ELP4: variants seen among roughly 807,000 people sequenced by gnomAD.
The protein encoded by ELP4 is elongator acetyltransferase complex subunit 4, also known as elongator complex protein 4.
ELP4 carries 51 observed loss-of-function variants against 48.9 expected under a neutral mutation model. The observed-to-expected ratio is 1.04, with a 90% CI of 0.83 to 1.32. The LOEUF is 1.32. Among genes scored for constraint, ELP4 ranks in the 40% most tolerant of loss-of-function variants. ELP4 has a pLI of 0.00. For missense variants in ELP4, 519 were observed against 514.6 expected (o/e 1.01, Z -0.08); for synonymous variants, 210 against 189.2 (o/e 1.11, Z -0.90).
chr11:31,693,112 C>G (rs1946316378), intron 9 of ELP4, among the ~76,000 whole-genome samples: 1 of 151,970 alleles, frequency 6.6e-6, no homozygotes, highest in Admixed American at 6.6e-5. Flanking sequence ...CACTGCCCAC[C>G]CAAAGGAGTA....
At chr11:31,640,814 C>T (rs942805415) in intron 7 of ELP4, among the ~76,000 whole-genome samples, 6 of 151,928 alleles carry the variant, frequency 3.9e-5, no homozygotes, top group Non-Finnish European at 7.4e-5. Flanking sequence ...GAAGCAAGTG[C>T]CAGTTCAGCA....
Position 31,647,857 on chromosome 11 carries a change from C to G in ELP4, c.1036+8C>G. 3.3e-6 allele frequency: 5 copies of G among 1,505,910 alleles called. No individual in the cohort carries two copies. The highest frequency in any genetic ancestry group is 4.6e-6 in the Non-Finnish European group (5 of 1,082,798). 93.3% of individuals were successfully genotyped at this position (1,505,910 alleles called of 1,614,324 possible). A position where few individuals can be genotyped will look rare whatever the true frequency, so the allele number is the denominator to read the frequency against. On this transcript the variant is annotated splice_region_variant and intron_variant, in intron 8 of 9. Coordinates refer to ENST00000640961, the MANE Select transcript of ELP4 (RefSeq NM_019040.5). ...TGTATAAGGATTATCATGGTAAGTA[C>G]AACCTTCATAATGAGAAGAGCAGGA...
chr11:31,570,434 T>G (rs1957175297), intron 3 of ELP4, among the ~76,000 whole-genome samples: 1 of 151,728 alleles, frequency 6.6e-6, no homozygotes, highest in Non-Finnish European at 1.5e-5. Context: ...CAGTTTCAAT[T>G]GTACTTCAGA....
chr11:31,565,490 G>T (rs7113412), intron 3 of ELP4, among the ~76,000 whole-genome samples: 8 of 143,222 alleles, frequency 5.6e-5, no homozygotes, highest in Non-Finnish European at 1.2e-4. Context: ...TTTCTTCTAG[G>T]GTTTTTATGG....
rs192145208 is a variant in ELP4 at position 31,719,372 on chromosome 11, G to A, written c.1144-64021G>A. 2.4e-4 allele frequency: 94 copies of A among 395,194 alleles called. 1 individual carries two copies. In the East Asian group the frequency reaches 3.1e-3, roughly 13 times the overall value. The allele number at this position is 395,194 out of a possible 1,614,324, so 24.5% of individuals were successfully genotyped here. ...ACAGTGGCAGAGTTTTTGTGGAATG[G>A]TTATAGATGAAACATCATTTGTCTT... On this transcript the variant is annotated intron_variant, in intron 9 of 9. Coordinates refer to ENST00000640961, the MANE Select transcript of ELP4 (RefSeq NM_019040.5).
At chr11:31,537,170 G>A (rs780129273) in intron 2 of ELP4, among the ~76,000 whole-genome samples, 1 of 152,086 alleles carries the variant, frequency 6.6e-6, no homozygotes, top group Non-Finnish European at 1.5e-5. Flanking sequence ...GTAAGATGGA[G>A]GTTTTTGCTG....
chr11:31,781,546 T>C (rs1948378080), intron 9 of ELP4, among the ~76,000 whole-genome samples: 1 of 121,856 alleles, frequency 8.2e-6, no homozygotes, highest in South Asian at 3.1e-4. Flanking sequence ...ATTGCCAGAC[T>C]GGAGTGCTGT....
intron 3 of ELP4, among the ~76,000 whole-genome samples, chr11:31,555,502 G>A (rs950367187): frequency 3.3e-5 from 5 of 151,738 alleles, no homozygotes; most frequent in African/African-American, 1.2e-4. Flanking sequence ...CACTTACAGT[G>A]TTGTACAAAC....
intron 3 of ELP4, among the ~76,000 whole-genome samples, chr11:31,550,419 A>T (rs1328252909): frequency 3.3e-5 from 5 of 152,190 alleles, no homozygotes; most frequent in African/African-American, 7.2e-5. Context: ...TTAAAACATA[A>T]AACCATAAAC....
intron 9 of ELP4, among the ~76,000 whole-genome samples, chr11:31,677,169 C>A (rs1195267888): frequency 2.6e-5 from 4 of 152,158 alleles, no homozygotes. Context: ...TAAACAGTTT[C>A]CAGGACAATC....
At chr11:31,770,563 C>T (rs1948118690) in intron 9 of ELP4, among the ~76,000 whole-genome samples, 2 of 109,154 alleles carry the variant, frequency 1.8e-5, no homozygotes, top group African/African-American at 4.0e-5. Context: ...AATAAAATTT[C>T]CAAAAAAAAA....
intron 9 of ELP4, chr11:31,719,340 A>C (rs1483953391): frequency 2.5e-6 from 1 of 392,838 alleles, no homozygotes; most frequent in Non-Finnish European, 4.5e-6. Flanking sequence ...ATGTGGATGC[A>C]TGGCATACAG....
Position 31,519,428 on chromosome 11 carries a change from G to A in ELP4, c.224-628G>A, listed in dbSNP as rs1004990887. Among the ~76,000 whole-genome samples, 6 of 152,188 alleles carry A rather than the reference G, an allele frequency of 3.9e-5. No individual in the cohort carries two copies. The East Asian group carries it at 1.2e-3, about 29-fold the overall frequency. On this transcript the variant is annotated intron_variant, in intron 1 of 9. Transcript: ENST00000640961. Reference sequence around the variant, plus strand: ...GTATTGAGTTAATTTATTAACAAGTGCTAAATATAACATTATTGGAGTCCT... The same window carrying A: ...GTATTGAGTTAATTTATTAACAAGTACTAAATATAACATTATTGGAGTCCT...
chr11:31,736,070 A>G (rs932753094), intron 9 of ELP4, among the ~76,000 whole-genome samples: 8 of 152,234 alleles, frequency 5.3e-5, no homozygotes, highest in Non-Finnish European at 1.2e-4. Context: ...ACCTGACTTC[A>G]AACTATACTA....
chr11:31,564,512 A>T (rs1030474232), intron 3 of ELP4, among the ~76,000 whole-genome samples: 1 of 151,960 alleles, frequency 6.6e-6, no homozygotes, highest in Non-Finnish European at 1.5e-5. Flanking sequence ...TATATCTCCT[A>T]ATGCTATCCC....
At chr11:31,755,386 A>G (rs888330280) in intron 9 of ELP4, among the ~76,000 whole-genome samples, 8 of 152,234 alleles carry the variant, frequency 5.3e-5, no homozygotes, top group African/African-American at 1.9e-4. Context: ...ACAAAGTATA[A>G]GGTAAAACTT....
rs1170705363 is a variant in ELP4, at chr11:31,784,998, T to TTTTTCATTTC, written c.*1479_*1488dup. ...ATTTTTTTAGAATGTCGGGTTTATT[T>TTTTTCATTTC]TTTTCATTTCTTTTAATTCTAAAGA... On this transcript the variant is annotated 3_prime_UTR_variant, in exon 10 of 10. Coordinates refer to ENST00000640961, the MANE Select transcript of ELP4 (RefSeq NM_019040.5). 1.9e-4 allele frequency: 35 copies of TTTTTCATTTC among 180,762 alleles called. No homozygotes were observed. The highest frequency in any genetic ancestry group is 2.2e-3 in the Middle Eastern group (1 of 462). The allele number at this position is 180,762 out of a possible 1,614,324, so 11.2% of individuals were successfully genotyped here. A position where few individuals can be genotyped will look rare whatever the true frequency, so the allele number is the denominator to read the frequency against.
chr11:31,785,897 A>C lies in ELP4; in HGVS notation c.*2373A>C. 5.1e-6 allele frequency: 1 copy of C among 196,084 alleles called. No homozygotes were observed. The highest frequency in any genetic ancestry group is 1.1e-5 in the Non-Finnish European group (1 of 94,330). The allele number at this position is 196,084 out of a possible 1,614,324, so 12.1% of individuals were successfully genotyped here. A position where few individuals can be genotyped will look rare whatever the true frequency, so the allele number is the denominator to read the frequency against. On this transcript the variant is annotated 3_prime_UTR_variant, in exon 10 of 10. Coordinates refer to ENST00000640961, the MANE Select transcript of ELP4 (RefSeq NM_019040.5). ...CTTGACTCAAAGATATAAATACTTA[A>C]GAACAATGCCAAACGTAATATCTGA...
In ELP4 at chr11:31,555,193, T is replaced by C. The variant is rs547990059; in HGVS notation, c.381+15410T>C. 3.9e-5 allele frequency among the ~76,000 whole-genome samples: 6 copies of C among 152,264 alleles called. No individual in the cohort carries two copies. In the East Asian group the frequency reaches 5.8e-4, roughly 15 times the overall value. On this transcript the variant is annotated intron_variant, in intron 3 of 9. Transcript: ENST00000640961. The stretch of plus-strand genomic sequence containing the variant: ...ATGAATGACTATATGTGCTATGTAC[T>C]ATCAAGGATTTGTAGGGTCGGTTGA...
Sources: allele counts gnomAD v4.1 joint callset (sites outside exome capture counted in the v4.1 genomes callset), GRCh38; gene constraint gnomAD v4.1.1; transcripts MANE v1.5; gene names NCBI Gene and HGNC (gene_info 2026-07-23, HGNC 2026-07-21).